KATNAL1: variants seen among roughly 807,000 people sequenced by gnomAD.
KATNAL1 encodes katanin catalytic subunit A1 like 1.
Under a neutral mutation model 55.2 loss-of-function variants are expected in KATNAL1, and 32 were observed. That is an observed-to-expected ratio of 0.58 (90% CI 0.44 to 0.78). KATNAL1 has a LOEUF of 0.78. Among genes scored for constraint, KATNAL1 ranks in the 30% least tolerant of loss-of-function variants. The pLI is 0.00. For synonymous variants in KATNAL1, 193 were observed against 193.6 expected, an observed-to-expected ratio of 1.00 and a Z score of 0.02; for missense variants, 466 against 600.9, an observed-to-expected ratio of 0.78 and a Z score of 2.35.
intron 2 of KATNAL1, among the ~76,000 whole-genome samples, chr13:30,282,408 C>A (rs888126257): frequency 1.5e-4 from 23 of 152,050 alleles, no homozygotes; most frequent in African/African-American, 5.6e-4. Flanking sequence ...GAGGCCAAGG[C>A]AGGAGGATCA....
rs1878552146 is a variant in KATNAL1, at chr13:30,253,773, T to A, written c.492+1674A>T. On this transcript the variant is annotated intron_variant, in intron 4 of 10. Coordinates refer to ENST00000380615, the MANE Select transcript of KATNAL1 (RefSeq NM_032116.5). ...AACCAACATTTAATTGTTCTGGATC[T>A]CTTTTGGTAAATCCAATCCAGACTT... is the stretch of plus-strand genomic sequence containing the variant. 5.3e-5 allele frequency among the ~76,000 whole-genome samples: 8 copies of A among 152,228 alleles called. No individual in the cohort carries two copies. In the South Asian group the frequency reaches 1.7e-3, roughly 31 times the overall value.
chr13:30,271,951 A>G (rs1880411659), intron 3 of KATNAL1, among the ~76,000 whole-genome samples: 1 of 151,990 alleles, frequency 6.6e-6, no homozygotes, highest in Non-Finnish European at 1.5e-5. Context: ...GAGAGTTCCA[A>G]AGAAGATGGT....
At chr13:30,233,061 A>AT (rs535269603) in intron 6 of KATNAL1, among the ~76,000 whole-genome samples, 56 of 152,220 alleles carry the variant, frequency 3.7e-4, no homozygotes, top group African/African-American at 1.2e-3. Context: ...GTCCAGGCAG[A>AT]TTTTTTTTGT....
At chr13:30,242,652 TAG>T (rs1877394221) in intron 4 of KATNAL1, among the ~76,000 whole-genome samples, 1 of 152,088 alleles carries the variant, frequency 6.6e-6, no homozygotes, top group African/African-American at 2.4e-5. Context: ...CTGGCTCCTA[TAG>T]AGGACGGGGT....
chr13:30,247,526 A>C (rs1877907832), intron 4 of KATNAL1, among the ~76,000 whole-genome samples: 1 of 152,326 alleles, frequency 6.6e-6, no homozygotes, highest in Middle Eastern at 3.4e-3. Context: ...CATATACTCA[A>C]GTTAGGAGGC....
intron 3 of KATNAL1, among the ~76,000 whole-genome samples, chr13:30,256,853 G>A (rs1376192695): frequency 6.6e-6 from 1 of 152,096 alleles, no homozygotes. Flanking sequence ...TTAATCCTTG[G>A]AGTTCAGTCC....
intron 7 of KATNAL1, 36 bp downstream of exon 7, chr13:30,231,278 C>T: frequency 1.3e-6 from 2 of 1,570,566 alleles, no homozygotes; most frequent in South Asian, 2.5e-5. Context: ...TAGGCCTACA[C>T]ACACTACTTT....
chr13:30,254,093 A>C (rs879448704), intron 4 of KATNAL1, among the ~76,000 whole-genome samples: 1 of 152,196 alleles, frequency 6.6e-6, no homozygotes, highest in Non-Finnish European at 1.5e-5. Flanking sequence ...TTCAAGACTG[A>C]AAGTTCCTTA....
At chr13:30,300,163 GTAATGGT>G (rs1882770678) in intron 1 of KATNAL1, among the ~76,000 whole-genome samples, 2 of 152,132 alleles carry the variant, frequency 1.3e-5, no homozygotes, top group Non-Finnish European at 2.9e-5. Flanking sequence ...TGTCTCCACA[GTAATGGT>G]TTTTGAAGAG....
intron 6 of KATNAL1, among the ~76,000 whole-genome samples, chr13:30,233,100 A>G (rs1263480249): frequency 6.6e-6 from 1 of 152,196 alleles, no homozygotes. Flanking sequence ...AGGCAACCAA[A>G]GCAAAAACAG....
intron 3 of KATNAL1, among the ~76,000 whole-genome samples, chr13:30,271,190 T>C (rs553240676): frequency 6.6e-6 from 1 of 152,220 alleles, no homozygotes; most frequent in East Asian, 1.9e-4. Context: ...TTAATTCTCA[T>C]AATAACCCTA....
chr13:30,237,167 C>A (rs1180844723), intron 6 of KATNAL1, among the ~76,000 whole-genome samples: 1 of 152,224 alleles, frequency 6.6e-6, no homozygotes, highest in Non-Finnish European at 1.5e-5. Context: ...ATTATTCACT[C>A]ATTTTGGTAT....
At position 30,292,535 on chromosome 13, in the gene KATNAL1, G is replaced by A. The variant is rs546254031; in HGVS notation, c.-14-8744C>T. On this transcript the variant is annotated intron_variant, in intron 1 of 10. Transcript: ENST00000380615. ...GCTTCCCTACCCCTTGTTCCAAAGG[G>A]AGATACTGTATCTTCCAAGGCTGTA... Among the ~76,000 whole-genome samples the A allele has an allele frequency of 9.7e-4, 148 of 152,226 alleles. 1 individual carries two copies. Among genetic ancestry groups the A allele is most frequent in the African/African-American group, 3.3e-3 (137 of 41,538 alleles).
At chr13:30,287,649 T>C (rs1881877288) in intron 1 of KATNAL1, among the ~76,000 whole-genome samples, 1 of 152,214 alleles carries the variant, frequency 6.6e-6, no homozygotes, top group African/African-American at 2.4e-5. Context: ...TCTTCAAATT[T>C]AGAACATTAA....
intron 3 of KATNAL1, among the ~76,000 whole-genome samples, chr13:30,270,039 C>A (rs1328974078): frequency 3.0e-5 from 4 of 133,914 alleles, no homozygotes; most frequent in African/African-American, 8.8e-5. Flanking sequence ...TGTCAGCCCC[C>A]CGCCCGGCCA....
At chr13:30,306,496 C>G (rs1322037015) in intron 1 of KATNAL1, among the ~76,000 whole-genome samples, 2 of 152,024 alleles carry the variant, frequency 1.3e-5, no homozygotes, top group Non-Finnish European at 2.9e-5. Flanking sequence ...CCTTGAACCT[C>G]AAGAAATAAA....
chr13:30,250,502 T>C (rs1336918202), intron 4 of KATNAL1, among the ~76,000 whole-genome samples: 3 of 152,204 alleles, frequency 2.0e-5, no homozygotes, highest in East Asian at 1.9e-4. Context: ...AGTATACAAT[T>C]TGTGCACTTT....
intron 8 of KATNAL1, 109 bp from the exon 9 acceptor site, chr13:30,227,655 T>C (rs1022896117): frequency 5.9e-6 from 7 of 1,194,244 alleles, no homozygotes; most frequent in Non-Finnish European, 7.1e-6. Context: ...ATAAAGAAAG[T>C]GCAGTCCTGA....
chr13:30,264,430 T>C (rs1226623127), intron 3 of KATNAL1, among the ~76,000 whole-genome samples: 1 of 140,854 alleles, frequency 7.1e-6, no homozygotes, highest in African/African-American at 2.6e-5. Flanking sequence ...ACCATCAGAG[T>C]GAACAGGCAA....
Sources: allele counts gnomAD v4.1 joint callset (sites outside exome capture counted in the v4.1 genomes callset), GRCh38; gene constraint gnomAD v4.1.1; transcripts MANE v1.5; gene names NCBI Gene and HGNC (gene_info 2026-07-23, HGNC 2026-07-21).